CPA6: variants seen among roughly 807,000 people sequenced by gnomAD.
CPA6 encodes the protein carboxypeptidase A6.
In CPA6, 58 loss-of-function variants were observed where a neutral mutation model predicts 63.3. The observed-to-expected ratio is 0.92, with a 90% CI of 0.74 to 1.14. The LOEUF is 1.14. Ranked by LOEUF, CPA6 falls within the 50% of genes most tolerant of loss-of-function variation. The probability of loss-of-function intolerance (pLI) is 0.00; values close to 1 mark genes in which losing one functional copy is unlikely to be tolerated. For missense variants in CPA6, 565 were observed against 526.6 expected, an observed-to-expected ratio of 1.07 and a Z score of -0.71; for synonymous variants, 185 against 179.0, an observed-to-expected ratio of 1.03 and a Z score of -0.27.
Position 67,509,546 on chromosome 8 carries a change from A to G in CPA6, c.505T>C (p.Tyr169His), listed in dbSNP as rs201643526. The G allele has an allele frequency of 1.4e-4, 218 of 1,583,848 alleles. No homozygotes were observed. The highest frequency in any genetic ancestry group is 5.5e-4 in the Admixed American group (32 of 58,296). The change falls in exon 5 of 11, where the codon TAT becomes CAT. Residue 169 changes from tyrosine (Y) to histidine (H), a missense_variant. Coordinates refer to ENST00000297770, the MANE Select transcript of CPA6 (RefSeq NM_020361.5). ...AAAATAAAAAGAGATCTTCCCTCAT[A>G]TGATCTTCCAATAGAGAACATGTGA... ...LIHMFSIGRS[Y>H]EGRSLFILKL... is the part of the protein sequence containing the mutation.
intron 8 of CPA6, among the ~76,000 whole-genome samples, chr8:67,467,475 G>A (rs1390602718): frequency 6.6e-6 from 1 of 152,142 alleles, no homozygotes. Flanking sequence ...TTGGTAAGTA[G>A]TGCTTGTATC....
intron 2 of CPA6, among the ~76,000 whole-genome samples, chr8:67,522,468 G>GA (rs1228581012): frequency 6.6e-6 from 1 of 152,220 alleles, no homozygotes; most frequent in Non-Finnish European, 1.5e-5. Flanking sequence ...ACAGGAGTGA[G>GA]AAAAAACTGC....
intron 3 of CPA6, among the ~76,000 whole-genome samples, chr8:67,516,013 C>A (rs1458274642): frequency 6.6e-6 from 1 of 152,094 alleles, no homozygotes; most frequent in South Asian, 2.1e-4. Flanking sequence ...CATATTAGAC[C>A]CAGGGATGAA....
intron 2 of CPA6, among the ~76,000 whole-genome samples, chr8:67,623,862 A>G (rs1176475989): frequency 1.3e-5 from 2 of 151,992 alleles, no homozygotes; most frequent in South Asian, 2.1e-4. Flanking sequence ...GTTCAAGACC[A>G]GCCTGGCCAG....
At chr8:67,647,911 A>C (rs1815748704) in intron 1 of CPA6, among the ~76,000 whole-genome samples, 1 of 152,070 alleles carries the variant, frequency 6.6e-6, no homozygotes, top group Non-Finnish European at 1.5e-5. Flanking sequence ...ATCTACATCT[A>C]TCTCCATTTT....
chr8:67,534,172 G>A (rs921160129), intron 2 of CPA6, among the ~76,000 whole-genome samples: 1 of 152,200 alleles, frequency 6.6e-6, no homozygotes, highest in African/African-American at 2.4e-5. Flanking sequence ...CAGGCTCAAG[G>A]ACCTTGCACA....
intron 1 of CPA6, among the ~76,000 whole-genome samples, chr8:67,638,009 A>ATGTG (rs1563372186): frequency 3.3e-5 from 4 of 119,556 alleles, no homozygotes; most frequent in Non-Finnish European, 7.0e-5. Context: ...GTGTGTGTGC[A>ATGTG]TGCATGCATG....
intron 10 of CPA6, among the ~76,000 whole-genome samples, chr8:67,427,790 G>A (rs192771122): frequency 3.4e-4 from 52 of 152,244 alleles, no homozygotes; most frequent in Admixed American, 8.5e-4. Context: ...ACTCTCATAA[G>A]CTCTCAAATG....
chr8:67,548,413 G>A (rs1812870250), intron 2 of CPA6, among the ~76,000 whole-genome samples: 1 of 151,012 alleles, frequency 6.6e-6, no homozygotes, highest in South Asian at 2.1e-4. Context: ...CACCATGCCT[G>A]GCTAATATTT....
intron 1 of CPA6, among the ~76,000 whole-genome samples, chr8:67,673,120 T>C (rs1816384494): frequency 6.6e-6 from 1 of 152,118 alleles, no homozygotes; most frequent in African/African-American, 2.4e-5. Flanking sequence ...CAAAACCTCC[T>C]TGCTCAATGA....
chr8:67,695,495 C>T (rs1816897136), intron 1 of CPA6, among the ~76,000 whole-genome samples: 1 of 152,232 alleles, frequency 6.6e-6, no homozygotes, highest in South Asian at 2.1e-4. Flanking sequence ...TCTGTGAATA[C>T]AATGCTTCTG....
chr8:67,517,834 T>C, intron 3 of CPA6, 89 bp downstream of exon 3: 1 of 1,333,666 alleles, frequency 7.5e-7, no homozygotes, highest in Non-Finnish European at 1.0e-6. Context: ...AACACTGTTG[T>C]AAGTACTTGA....
At chr8:67,692,271 G>A (rs1234976821) in intron 1 of CPA6, among the ~76,000 whole-genome samples, 2 of 151,002 alleles carry the variant, frequency 1.3e-5, no homozygotes, top group African/African-American at 2.4e-5. Context: ...AGGAAGCAGA[G>A]GTTGCGGTGA....
chr8:67,713,527 G>C (rs1435034601), intron 1 of CPA6, among the ~76,000 whole-genome samples: 3 of 152,114 alleles, frequency 2.0e-5, no homozygotes, highest in Admixed American at 6.5e-5. Flanking sequence ...TAGTGAAAAA[G>C]AGTGAGGAGA....
intron 1 of CPA6, among the ~76,000 whole-genome samples, chr8:67,666,903 G>T (rs937673533): frequency 6.6e-6 from 1 of 152,096 alleles, no homozygotes; most frequent in Non-Finnish European, 1.5e-5. Context: ...AGAAATATTA[G>T]TTATTGCTAT....
intron 2 of CPA6, among the ~76,000 whole-genome samples, chr8:67,580,045 T>C (rs1360095805): frequency 6.6e-6 from 1 of 152,126 alleles, no homozygotes; most frequent in Non-Finnish European, 1.5e-5. Flanking sequence ...TTTCAGAAGG[T>C]TGTTTATTGT....
chr8:67,427,809 G>A (rs1809927362), intron 10 of CPA6, among the ~76,000 whole-genome samples: 1 of 152,172 alleles, frequency 6.6e-6, no homozygotes, highest in Admixed American at 6.5e-5. Context: ...TGAGCTTGTA[G>A]TCGTTACTGC....
intron 2 of CPA6, among the ~76,000 whole-genome samples, chr8:67,578,997 T>C (rs900365801): frequency 6.6e-6 from 1 of 152,250 alleles, no homozygotes; most frequent in Non-Finnish European, 1.5e-5. Context: ...TTCAAATGCC[T>C]GACCAGACAA....
chr8:67,634,339 C>A (rs560017596), intron 1 of CPA6, among the ~76,000 whole-genome samples: 3 of 150,828 alleles, frequency 2.0e-5, no homozygotes, highest in Non-Finnish European at 4.4e-5. Flanking sequence ...CTGCCTCAGC[C>A]TCCCGAGTAG....
Sources: allele counts gnomAD v4.1 joint callset (sites outside exome capture counted in the v4.1 genomes callset), GRCh38; gene constraint gnomAD v4.1.1; transcripts MANE v1.5; gene names NCBI Gene and HGNC (gene_info 2026-07-23, HGNC 2026-07-21).